Variants in NAALADL2 observed in about 807,000 individuals in gnomAD.
The protein encoded by NAALADL2 is inactive N-acetylated-alpha-linked acidic dipeptidase-like protein 2.
Under a neutral mutation model 87.2 loss-of-function variants are expected in NAALADL2, and 76 were observed. The observed-to-expected ratio is 0.87, with a 90% confidence interval of 0.72 to 1.05. The LOEUF is 1.05. Among genes scored for constraint, NAALADL2 ranks in the 50% least tolerant of loss-of-function variants. NAALADL2 has a pLI of 0.00. For missense variants in NAALADL2, 1,089 were observed against 945.8 expected, an observed-to-expected ratio of 1.15 and a Z score of -1.99; for synonymous variants, 354 against 331.0, an observed-to-expected ratio of 1.07 and a Z score of -0.75.
intron 2 of NAALADL2, among the ~76,000 whole-genome samples, chr3:175,161,132 G>C (rs1006895387): frequency 9.2e-5 from 14 of 151,884 alleles, no homozygotes; most frequent in African/African-American, 3.4e-4. Context: ...TCATTGTAAT[G>C]AGTTTGGTTG....
chr3:175,248,944 C>G lies in NAALADL2; in HGVS notation c.820-7467C>G, dbSNP rs567649808. Reference sequence around the variant, plus strand: ...CATAAGGTGTGTAGAGCCATTGTATCAAACAGAATTATATAGTTCTATCAG... The same window carrying G: ...CATAAGGTGTGTAGAGCCATTGTATGAAACAGAATTATATAGTTCTATCAG... On this transcript the variant is annotated intron_variant, in intron 3 of 13. Transcript: ENST00000454872. 8.8e-4 allele frequency among the ~76,000 whole-genome samples: 133 copies of G among 151,808 alleles called. 2 individuals are homozygous for G. In the South Asian group the frequency reaches 0.026, roughly 29 times the overall value.
intron 11 of NAALADL2, among the ~76,000 whole-genome samples, chr3:175,670,767 G>A (rs1264136748): frequency 6.6e-6 from 1 of 150,728 alleles, no homozygotes; most frequent in Non-Finnish European, 1.5e-5. Context: ...CAACGTTTTG[G>A]CAAGTTCTGT....
chr3:175,353,866 A>C (rs1486438372), intron 5 of NAALADL2, among the ~76,000 whole-genome samples: 1 of 152,208 alleles, frequency 6.6e-6, no homozygotes. Flanking sequence ...AAACTACCAA[A>C]GGTGTGCCTT....
At chr3:175,063,398 G>T (rs1194658197) in intron 1 of NAALADL2, among the ~76,000 whole-genome samples, 1 of 151,958 alleles carries the variant, frequency 6.6e-6, no homozygotes, top group Admixed American at 6.6e-5. Context: ...AACATAGACT[G>T]GTCCAGGTGC....
intron 2 of NAALADL2, among the ~76,000 whole-genome samples, chr3:174,714,052 T>C (rs1486132217): frequency 2.0e-5 from 3 of 152,188 alleles, no homozygotes; most frequent in Admixed American, 1.3e-4. Flanking sequence ...ATTTATTAAA[T>C]AGGGAATCCT....
intron 3 of NAALADL2, among the ~76,000 whole-genome samples, chr3:174,787,575 TCA>T (rs1491586348): frequency 7.7e-5 from 1 of 13,062 alleles, no homozygotes; most frequent in African/African-American, 2.6e-4. Flanking sequence ...CAATATATCA[TCA>T]TATATATATA....
intron 2 of NAALADL2, among the ~76,000 whole-genome samples, chr3:175,100,631 A>G (rs1721980386): frequency 6.6e-6 from 1 of 152,096 alleles, no homozygotes; most frequent in Non-Finnish European, 1.5e-5. Flanking sequence ...TGAGGTCAGG[A>G]GTTCAAGACC....
intron 1 of NAALADL2, among the ~76,000 whole-genome samples, chr3:174,861,545 C>A (rs1438193233): frequency 6.6e-6 from 1 of 152,032 alleles, no homozygotes; most frequent in East Asian, 1.9e-4. Flanking sequence ...AACGGATGTT[C>A]TTTAGTGGAA....
chr3:175,052,537 A>T (rs1580203946), intron 1 of NAALADL2, among the ~76,000 whole-genome samples: 1 of 152,288 alleles, frequency 6.6e-6, no homozygotes, highest in Non-Finnish European at 1.5e-5. Flanking sequence ...CACAATCATC[A>T]TTGAAATCCC....
At chr3:175,743,293 G>A (rs1471981752) in intron 12 of NAALADL2, among the ~76,000 whole-genome samples, 1 of 152,232 alleles carries the variant, frequency 6.6e-6, no homozygotes, top group Non-Finnish European at 1.5e-5. Flanking sequence ...GAGCCACCAT[G>A]CCCGGCCCAG....
chr3:175,071,309 T>C (rs1715592565), intron 1 of NAALADL2, among the ~76,000 whole-genome samples: 1 of 152,180 alleles, frequency 6.6e-6, no homozygotes. Context: ...TGTGCTATTA[T>C]AGGTCATGTA....
At chr3:174,587,977 G>A (rs150382476) in intron 2 of NAALADL2, among the ~76,000 whole-genome samples, 1,753 of 152,232 alleles carry the variant, frequency 0.012, 30 homozygotes, top group Admixed American at 0.049. Context: ...TTCCAACTTG[G>A]TTCAATTCCC....
intron 1 of NAALADL2, among the ~76,000 whole-genome samples, chr3:174,887,301 ATACT>A (rs1429216024): frequency 6.6e-6 from 1 of 152,194 alleles, no homozygotes; most frequent in Non-Finnish European, 1.5e-5. Context: ...ACTTAACTAC[ATACT>A]TGCTTGCTTC....
intron 1 of NAALADL2, among the ~76,000 whole-genome samples, chr3:174,875,197 A>G (rs1019005910): frequency 1.3e-5 from 2 of 151,518 alleles, no homozygotes; most frequent in Non-Finnish European, 2.9e-5. Context: ...TAACGAACAC[A>G]TTTAGTTCAT....
rs989737441 is a variant in NAALADL2 at position 175,332,942 on chromosome 3, T to C, written c.1090+8617T>C. Among the ~76,000 whole-genome samples, 3 of 152,178 alleles carry C rather than the reference T, an allele frequency of 2.0e-5. No homozygotes were observed. The South Asian group carries it at 6.2e-4, about 31-fold the overall frequency. ...GCATATATGTTTACAATTGTTACATTTTCTTGGTGAATTGACCCATTTATC... is the reference window on the plus strand; with the variant it reads ...GCATATATGTTTACAATTGTTACATCTTCTTGGTGAATTGACCCATTTATC... On this transcript the variant is annotated intron_variant, in intron 5 of 13. Coordinates refer to ENST00000454872, the MANE Select transcript of NAALADL2 (RefSeq NM_207015.3).
chr3:175,721,728 T>C (rs930789687), intron 11 of NAALADL2, among the ~76,000 whole-genome samples: 1 of 152,036 alleles, frequency 6.6e-6, no homozygotes, highest in Admixed American at 6.6e-5. Flanking sequence ...TCTAGAGGTA[T>C]AGAGAAATTG....
rs1315672099 is a variant in NAALADL2, at chr3:174,814,086, ATTT to A, written c.-9+76342_-9+76344del. 3.3e-5 allele frequency among the ~76,000 whole-genome samples: 5 copies of A among 150,680 alleles called. No homozygotes were observed. The East Asian group carries it at 1.0e-3, about 30-fold the overall frequency. On this transcript the variant is annotated intron_variant, in intron 3 of 3. Coordinates refer to the NAALADL2 transcript ENST00000434257. ...GTGACAACTGTCTGTTTAGGTAAAT[ATTT>A]TATTTTTATTTATTTATTTTTATTT...
intron 4 of NAALADL2, among the ~76,000 whole-genome samples, chr3:175,293,625 T>A (rs1755943300): frequency 6.6e-6 from 1 of 152,092 alleles, no homozygotes. Context: ...GAGGGTTAAG[T>A]CCTCATAAAC....
intron 2 of NAALADL2, among the ~76,000 whole-genome samples, chr3:175,212,017 C>A (rs1741840915): frequency 6.6e-6 from 1 of 151,992 alleles, no homozygotes; most frequent in Non-Finnish European, 1.5e-5. Flanking sequence ...TAGTTGACAT[C>A]ATTCAGACGC....
Sources: gnomAD v4.1 joint callset for allele counts (sites outside exome capture counted in the v4.1 genomes callset) on GRCh38, gnomAD v4.1.1 for gene constraint, MANE v1.5 for transcripts, NCBI Gene and HGNC (gene_info 2026-07-23, HGNC 2026-07-21) for gene names.